LRRC37A2: variants seen among roughly 807,000 people sequenced by gnomAD.
The protein encoded by LRRC37A2 is leucine-rich repeat-containing protein 37A2.
In LRRC37A2, 9 loss-of-function variants were observed where a neutral mutation model predicts 68.8. The observed-to-expected ratio is 0.13, with a 90% CI of 0.08 to 0.23. The LOEUF is 0.23. LRRC37A2 is among the 10% of genes least tolerant of loss of function. The pLI, the probability that LRRC37A2 is intolerant of heterozygous loss-of-function variation, is 1.00. For missense variants in LRRC37A2, 168 were observed against 950.4 expected (o/e 0.18, Z 10.82); for synonymous variants, 63 against 367.6 (o/e 0.17, Z 9.48).
At chr17:46,972,719 T>G in the LRRC37A2 span, among the ~76,000 whole-genome samples, 2 of 152,284 alleles carry the variant, frequency 1.3e-5, no homozygotes, top group East Asian at 3.9e-4. Context: ...TGTACCCCAC[T>G]GGCTGACGCT....
the LRRC37A2 span, among the ~76,000 whole-genome samples, chr17:46,943,832 C>G: frequency 3.9e-5 from 6 of 152,222 alleles, no homozygotes. Flanking sequence ...TCACTCAGGA[C>G]TGGGGAGAGA....
At chr17:46,951,093 G>A in the LRRC37A2 span, among the ~76,000 whole-genome samples, 1 of 152,164 alleles carries the variant, frequency 6.6e-6, no homozygotes, top group Non-Finnish European at 1.5e-5. Context: ...CAGGAGCCAC[G>A]CCAAAGGCTT....
chr17:46,840,165 C>A, the LRRC37A2 span, among the ~76,000 whole-genome samples: 2 of 151,528 alleles, frequency 1.3e-5, no homozygotes, highest in African/African-American at 4.9e-5. Flanking sequence ...CGGCTCACTG[C>A]AAGCTCCGCC....
the LRRC37A2 span, among the ~76,000 whole-genome samples, chr17:46,900,200 TATACACACACACACACAC>T: frequency 9.9e-5 from 10 of 100,928 alleles, no homozygotes; most frequent in African/African-American, 4.9e-4. Flanking sequence ...TATATATATA[TATACACACACACACACAC>T]ACATATATAT....
the LRRC37A2 span, among the ~76,000 whole-genome samples, chr17:46,910,991 G>C: frequency 3.9e-5 from 6 of 152,194 alleles, no homozygotes; most frequent in Admixed American, 6.5e-5. Flanking sequence ...TGCATATGGC[G>C]GTGCCAAGGC....
the LRRC37A2 span, among the ~76,000 whole-genome samples, chr17:46,816,462 A>C: frequency 7.7e-6 from 1 of 129,082 alleles, no homozygotes; most frequent in African/African-American, 3.2e-5. Context: ...AGGGTCATAG[A>C]CCCAGAACAC....
In LRRC37A2 at chr17:46,516,296, C is replaced by A. The variant is rs1297029720; in HGVS notation, c.2609+975C>A. ...CCAGCCTGGGCGACAGAGCAAGACT[C>A]CATCTCAAAAAAAAAAATGATAGGA... is the stretch of plus-strand genomic sequence containing the variant. On this transcript the variant is annotated intron_variant, in intron 2 of 14. Transcript: ENST00000576629. Among the ~76,000 whole-genome samples the A allele has an allele frequency of 1.6e-4, 13 of 82,096 alleles. 3 individuals are homozygous for A. Among genetic ancestry groups the A allele is most frequent in the Admixed American group, 1.5e-3 (12 of 8,186 alleles). 53.9% of individuals were successfully genotyped at this position (82,096 alleles called of 152,430 possible).
the LRRC37A2 span, among the ~76,000 whole-genome samples, chr17:46,944,350 C>T: frequency 6.6e-6 from 1 of 152,236 alleles, no homozygotes; most frequent in Non-Finnish European, 1.5e-5. Flanking sequence ...TGGCAGCAAC[C>T]ACGGGCCACA....
chr17:46,392,408 T>TC, the LRRC37A2 span, among the ~76,000 whole-genome samples: 1 of 40,530 alleles, frequency 2.5e-5, no homozygotes, highest in Admixed American at 3.2e-4. Context: ...TCTTTCTTTC[T>TC]TTCTCTCTCT....
chr17:46,929,851 T>C, the LRRC37A2 span: 10 of 431,918 alleles, frequency 2.3e-5, no homozygotes, highest in Admixed American at 7.2e-5. Flanking sequence ...CCATCTATCT[T>C]AATCTAATTA....
At chr17:46,857,354 A>G in the LRRC37A2 span, among the ~76,000 whole-genome samples, 2 of 151,886 alleles carry the variant, frequency 1.3e-5, no homozygotes, top group African/African-American at 4.8e-5. Flanking sequence ...GCATGCCTCT[A>G]ATCCCAGCTA....
the LRRC37A2 span, among the ~76,000 whole-genome samples, chr17:46,771,048 C>T: frequency 2.6e-5 from 4 of 152,206 alleles, no homozygotes; most frequent in Admixed American, 2.0e-4. Context: ...AGAAGCCAGG[C>T]GCCCGCCTCC....
chr17:46,818,373 C>G, the LRRC37A2 span: 4 of 645,338 alleles, frequency 6.2e-6, no homozygotes, highest in African/African-American at 4.8e-5. Flanking sequence ...AGCAGAAAAT[C>G]CAGGAGGGGT....
the LRRC37A2 span, among the ~76,000 whole-genome samples, chr17:46,778,689 G>A: frequency 4.6e-5 from 7 of 152,170 alleles, no homozygotes; most frequent in African/African-American, 1.4e-4. Flanking sequence ...CAAAGTGTGC[G>A]TGGCTTTGAC....
chr17:47,000,176 C>T, the LRRC37A2 span, among the ~76,000 whole-genome samples: 20 of 149,090 alleles, frequency 1.3e-4, no homozygotes, highest in African/African-American at 2.9e-4. Context: ...ACAGAGTGTT[C>T]GGCATCATGC....
At chr17:46,968,185 G>A in the LRRC37A2 span, among the ~76,000 whole-genome samples, 1 of 152,264 alleles carries the variant, frequency 6.6e-6, no homozygotes, top group East Asian at 1.9e-4. Context: ...CAGGCACTCA[G>A]TGAATACCTC....
At chr17:46,943,819 CTG>C in the LRRC37A2 span, among the ~76,000 whole-genome samples, 9 of 152,370 alleles carry the variant, frequency 5.9e-5, no homozygotes, top group South Asian at 2.1e-4. Flanking sequence ...GTGAGGGAAA[CTG>C]TCACTCAGGA....
At chr17:46,638,953 C>T in the LRRC37A2 span, among the ~76,000 whole-genome samples, 1 of 30,236 alleles carries the variant, frequency 3.3e-5, no homozygotes, top group African/African-American at 1.9e-4. Context: ...CACTGCAGAT[C>T]GGCAGTGAAC....
At chr17:46,796,323 G>A in the LRRC37A2 span, among the ~76,000 whole-genome samples, 1 of 152,216 alleles carries the variant, frequency 6.6e-6, no homozygotes, top group African/African-American at 2.4e-5. Flanking sequence ...ATAAAGACCA[G>A]TGACATCCTC....
Sources: gnomAD v4.1 joint callset for allele counts (sites outside exome capture counted in the v4.1 genomes callset) on GRCh38, gnomAD v4.1.1 for gene constraint, MANE v1.5 for transcripts, NCBI Gene and HGNC (gene_info 2026-07-23, HGNC 2026-07-21) for gene names.